PCDHA7: variants seen among roughly 807,000 people sequenced by gnomAD.
PCDHA7 encodes the protein protocadherin alpha 7.
In PCDHA7, 37 loss-of-function variants were observed where a neutral mutation model predicts 57.2. The observed-to-expected ratio is 0.65, with a 90% CI of 0.50 to 0.85. The LOEUF (loss-of-function observed/expected upper bound fraction) is 0.85. Among genes scored for constraint, PCDHA7 ranks in the 40% least tolerant of loss-of-function variants. PCDHA7 has a pLI of 0.00. For missense variants in PCDHA7, 1,188 were observed against 1,241.8 expected, an observed-to-expected ratio of 0.96 and a Z score of 0.65; for synonymous variants, 553 against 558.8, an observed-to-expected ratio of 0.99 and a Z score of 0.15.
At chr5:140,968,961 A>G (rs1554231270) in intron 1 of PCDHA7, 1 of 1,614,088 alleles carries the variant, frequency 6.2e-7, no homozygotes, top group African/African-American at 1.3e-5. Context: ...ATCAAGTGCT[A>G]CCGCTACACT....
chr5:141,001,159 G>A (rs1332533329), intron 3 of PCDHA7, among the ~76,000 whole-genome samples: 2 of 152,076 alleles, frequency 1.3e-5, no homozygotes, highest in Non-Finnish European at 2.9e-5. Context: ...ATCTTAATAA[G>A]TAAAATTTAA....
At chr5:140,926,719 A>G (rs1315762828) in intron 1 of PCDHA7, 38 of 986,432 alleles carry the variant, frequency 3.9e-5, no homozygotes, top group Non-Finnish European at 4.4e-5. Flanking sequence ...AGCCCCGGCA[A>G]TGCCGGCGTT....
chr5:140,945,620 C>T (rs1451535910), intron 1 of PCDHA7, among the ~76,000 whole-genome samples: 2 of 152,092 alleles, frequency 1.3e-5, no homozygotes, highest in African/African-American at 4.8e-5. Context: ...CAGCATGGTA[C>T]TGGCATAAAA....
chr5:140,881,179 C>A (rs550594918), intron 1 of PCDHA7, among the ~76,000 whole-genome samples: 4 of 152,240 alleles, frequency 2.6e-5, no homozygotes, highest in African/African-American at 7.2e-5. Flanking sequence ...CTTTTCCTTG[C>A]TAAAGATATG....
chr5:140,882,577 C>T (rs370671644), intron 1 of PCDHA7: 45 of 1,614,120 alleles, frequency 2.8e-5, no homozygotes, highest in East Asian at 1.3e-4. Flanking sequence ...CGGAGTGCAG[C>T]ATCCACCTGG....
At chr5:140,905,036 T>A (rs2071554831) in intron 1 of PCDHA7, among the ~76,000 whole-genome samples, 1 of 152,222 alleles carries the variant, frequency 6.6e-6, no homozygotes, top group Non-Finnish European at 1.5e-5. Flanking sequence ...AGCTTTTTAG[T>A]TTAATTAGGT....
intron 3 of PCDHA7, among the ~76,000 whole-genome samples, chr5:140,986,707 A>G (rs2097210304): frequency 6.6e-6 from 1 of 152,186 alleles, no homozygotes; most frequent in Admixed American, 6.5e-5. Flanking sequence ...AGCACTGCAG[A>G]AGATAACATT....
At chr5:140,893,327 GT>G (rs2063928643) in intron 1 of PCDHA7, among the ~76,000 whole-genome samples, 1 of 152,164 alleles carries the variant, frequency 6.6e-6, no homozygotes, top group Non-Finnish European at 1.5e-5. Flanking sequence ...CTCCCATACT[GT>G]TTTCCTTAGT....
chr5:140,870,271 C>T (rs2051826884), intron 1 of PCDHA7: 1 of 1,614,176 alleles, frequency 6.2e-7, no homozygotes, highest in Non-Finnish European at 8.5e-7. Flanking sequence ...CTCGCTGACG[C>T]CCCACGTTCC....
At chr5:140,875,596 G>T (rs1554167787) in intron 1 of PCDHA7, 2 of 1,613,938 alleles carry the variant, frequency 1.2e-6, no homozygotes, top group East Asian at 2.2e-5. Context: ...GGCCAAACAC[G>T]GCACCTTCGT....
chr5:141,002,218 A>T (rs782352324), intron 3 of PCDHA7, among the ~76,000 whole-genome samples: 124 of 152,272 alleles, frequency 8.1e-4, no homozygotes, highest in Admixed American at 3.6e-3. Context: ...AATCAAAATG[A>T]TGGGTTTTCT....
rs1563376756 is a variant in PCDHA7, at chr5:140,968,306, C to G, written c.2356-10643C>G. 1.9e-6 allele frequency: 3 copies of G among 1,613,808 alleles called. No individual in the cohort carries two copies. The highest frequency in any genetic ancestry group is 2.5e-6 in the Non-Finnish European group (3 of 1,179,908). On this transcript the variant is annotated intron_variant, in intron 1 of 3. Transcript: ENST00000525929. ...CTACTCCCTTCTGGAGAGGGAGATT[C>G]AAGGGCTGCCAGTCACCTCCTATGT... is the stretch of plus-strand genomic sequence containing the variant.
intron 1 of PCDHA7, among the ~76,000 whole-genome samples, chr5:140,978,222 G>C (rs997273847): frequency 6.6e-6 from 1 of 152,180 alleles, no homozygotes; most frequent in South Asian, 2.1e-4. Flanking sequence ...AATGTATCAG[G>C]TTTTTCTTGG....
chr5:140,875,460 C>T (rs1380748731), intron 1 of PCDHA7: 2 of 1,598,406 alleles, frequency 1.3e-6, no homozygotes, highest in Middle Eastern at 1.7e-4. Flanking sequence ...CTCAGAGGCC[C>T]TCATTTTCTG....
intron 1 of PCDHA7, among the ~76,000 whole-genome samples, chr5:140,924,889 T>C (rs1554202242): frequency 8.9e-6 from 1 of 112,122 alleles, no homozygotes; most frequent in Non-Finnish European, 1.8e-5. Flanking sequence ...AGCAAGAACC[T>C]GTCTCAAAAA....
At chr5:140,943,267 AAAAAAAAAAAG>A in intron 1 of PCDHA7, among the ~76,000 whole-genome samples, 2 of 150,426 alleles carry the variant, frequency 1.3e-5, no homozygotes, top group South Asian at 2.1e-4. Context: ...CAAAAAAAAA[AAAAAAAAAAAG>A]AAAGAAAGAA....
At chr5:140,966,622 G>C in intron 1 of PCDHA7, 1 of 854,486 alleles carries the variant, frequency 1.2e-6, no homozygotes, top group Non-Finnish European at 1.6e-6. Flanking sequence ...TACGGAGGGA[G>C]CGGCCCCAGG....
intron 1 of PCDHA7, among the ~76,000 whole-genome samples, chr5:140,935,193 G>A (rs782043966): frequency 3.3e-5 from 5 of 152,122 alleles, no homozygotes; most frequent in Non-Finnish European, 4.4e-5. Flanking sequence ...GTCAGTTGCT[G>A]TTTCTAGGTA....
chr5:140,919,649 T>C (rs1252944920), intron 1 of PCDHA7, among the ~76,000 whole-genome samples: 1 of 152,202 alleles, frequency 6.6e-6, no homozygotes, highest in African/African-American at 2.4e-5. Flanking sequence ...TTCTCTAGAG[T>C]TTACCATATA....
Sources: allele counts gnomAD v4.1 joint callset (sites outside exome capture counted in the v4.1 genomes callset), GRCh38; gene constraint gnomAD v4.1.1; transcripts MANE v1.5; gene names NCBI Gene and HGNC (gene_info 2026-07-23, HGNC 2026-07-21).